The following FNDC3A variants were observed in gnomAD, a reference collection of about 807,000 sequenced individuals.
FNDC3A encodes the protein fibronectin type III domain containing 3A.
A neutral mutation model predicts 148.9 loss-of-function variants in FNDC3A; 32 were observed. The ratio of observed to expected loss-of-function variants is 0.21; its 90% CI spans 0.16 to 0.29. The LOEUF is 0.29. Among genes scored for constraint, FNDC3A ranks in the 10% least tolerant of loss-of-function variants. The probability of loss-of-function intolerance (pLI) is 1.00; values close to 1 mark genes in which losing one functional copy is unlikely to be tolerated. For synonymous variants in FNDC3A, 472 were observed against 473.6 expected, an observed-to-expected ratio of 1.00 and a Z score of 0.04; for missense variants, 1,191 against 1,452.8, an observed-to-expected ratio of 0.82 and a Z score of 2.93.
At chr13:48,991,343 A>G (rs1951912366) in intron 1 of FNDC3A, among the ~76,000 whole-genome samples, 1 of 152,184 alleles carries the variant, frequency 6.6e-6, no homozygotes, top group South Asian at 2.1e-4. Flanking sequence ...ATTATTTCAT[A>G]CTAGTAAAGG....
At chr13:49,152,513 G>GT (rs780364412) in intron 8 of FNDC3A, among the ~76,000 whole-genome samples, 1 of 151,436 alleles carries the variant, frequency 6.6e-6, no homozygotes, top group African/African-American at 2.4e-5. Flanking sequence ...AAATTGTTTG[G>GT]TTTTTTTTTA....
At chr13:49,022,887 A>G (rs1244027135) in intron 2 of FNDC3A, among the ~76,000 whole-genome samples, 4 of 152,104 alleles carry the variant, frequency 2.6e-5, no homozygotes, top group African/African-American at 9.7e-5. Context: ...TATTACCGTT[A>G]ACTTTTCTTT....
At position 48,990,215 on chromosome 13, in the gene FNDC3A, C is replaced by T. The variant is rs189864795; in HGVS notation, c.-40+14038C>T. Among the ~76,000 whole-genome samples the T allele has an allele frequency of 2.0e-4, 31 of 151,934 alleles. 1 individual carries two copies. The East Asian group carries it at 5.8e-3, about 28-fold the overall frequency. On this transcript the variant is annotated intron_variant, in intron 1 of 25. Transcript: ENST00000492622. ...GGGACTTTTTACCCAAACTGTCTTT[C>T]AAAATAAAGGCAAAATAAAGATTTC...
chr13:49,135,782 C>A (rs1882321565), intron 5 of FNDC3A, among the ~76,000 whole-genome samples: 1 of 152,020 alleles, frequency 6.6e-6, no homozygotes, highest in Non-Finnish European at 1.5e-5. Context: ...TAAATCACAA[C>A]CTTGAGTTTA....
chr13:49,110,206 T>TA, intron 3 of FNDC3A: 1 of 449,546 alleles, frequency 2.2e-6, no homozygotes, highest in Non-Finnish European at 3.4e-6. Flanking sequence ...GAACGTTTGC[T>TA]TTTTTTTCCC....
chr13:48,985,547 G>T (rs1951773823), intron 1 of FNDC3A, among the ~76,000 whole-genome samples: 3 of 152,042 alleles, frequency 2.0e-5, no homozygotes. Flanking sequence ...TATAATATTA[G>T]ATACTTATGA....
At chr13:49,045,210 G>A (rs1324949867) in intron 2 of FNDC3A, among the ~76,000 whole-genome samples, 6 of 148,446 alleles carry the variant, frequency 4.0e-5, no homozygotes, top group Non-Finnish European at 8.9e-5. Flanking sequence ...CTCGAGTGTA[G>A]TGGTACCATC....
chr13:49,124,590 T>G (rs1881575692), intron 4 of FNDC3A, among the ~76,000 whole-genome samples: 1 of 152,064 alleles, frequency 6.6e-6, no homozygotes, highest in Admixed American at 6.6e-5. Context: ...ATAAATAACC[T>G]CCATAGCCAT....
chr13:49,157,521 C>T (rs1263187204), intron 8 of FNDC3A, among the ~76,000 whole-genome samples: 13 of 149,578 alleles, frequency 8.7e-5, no homozygotes, highest in South Asian at 4.2e-4. Flanking sequence ...TCTCTCAGCT[C>T]GTCAAAGTCA....
intron 7 of FNDC3A, 60 bp downstream of exon 7, chr13:49,138,865 T>G: frequency 1.1e-6 from 1 of 906,354 alleles, no homozygotes. Context: ...AAGATGTTCA[T>G]CCATCAAAAT....
At chr13:49,088,587 G>A (rs891655352) in intron 3 of FNDC3A, among the ~76,000 whole-genome samples, 16 of 152,170 alleles carry the variant, frequency 1.1e-4, no homozygotes, top group African/African-American at 3.6e-4. Flanking sequence ...ATTTGAACCA[G>A]TAGCATTCGA....
chr13:49,114,601 CTT>C, intron 3 of FNDC3A, 52 bp from the exon 4 acceptor site: 2 of 1,205,404 alleles, frequency 1.7e-6, no homozygotes, highest in Non-Finnish European at 2.5e-6. Flanking sequence ...TTGTTTTCAA[CTT>C]TAGCCTGATA....
At chr13:49,122,882 G>C (rs147911832) in intron 4 of FNDC3A, among the ~76,000 whole-genome samples, 1 of 152,018 alleles carries the variant, frequency 6.6e-6, no homozygotes, top group Non-Finnish European at 1.5e-5. Flanking sequence ...TTCCATGCTC[G>C]TGGATAGGAA....
chr13:49,131,873 A>G (rs368150678), intron 5 of FNDC3A, among the ~76,000 whole-genome samples: 2 of 152,250 alleles, frequency 1.3e-5, no homozygotes, highest in Non-Finnish European at 1.5e-5. Flanking sequence ...ATAATACCTT[A>G]TTATGTCCCA....
At chr13:49,160,041 C>T (rs1018940856) in intron 8 of FNDC3A, among the ~76,000 whole-genome samples, 1 of 152,150 alleles carries the variant, frequency 6.6e-6, no homozygotes, top group African/African-American at 2.4e-5. Flanking sequence ...TGAGGATTTT[C>T]ACATCGATGT....
At chr13:49,042,880 C>T (rs916230611) in intron 2 of FNDC3A, among the ~76,000 whole-genome samples, 3 of 152,108 alleles carry the variant, frequency 2.0e-5, no homozygotes, top group South Asian at 4.1e-4. Context: ...GGTTACAGTT[C>T]GTTTCTGTTC....
chr13:49,068,160 C>T (rs1877390977), intron 2 of FNDC3A, among the ~76,000 whole-genome samples: 1 of 150,392 alleles, frequency 6.6e-6, no homozygotes, highest in Non-Finnish European at 1.5e-5. Flanking sequence ...ATGGCAAAAC[C>T]CCGTCTTTAT....
intron 2 of FNDC3A, among the ~76,000 whole-genome samples, chr13:49,008,209 C>T (rs1313862816): frequency 1.3e-5 from 2 of 151,972 alleles, no homozygotes; most frequent in African/African-American, 2.4e-5. Flanking sequence ...GATCAGAAAA[C>T]GTGGAGATAG....
chr13:49,192,005 A>G (rs963818106), intron 19 of FNDC3A, among the ~76,000 whole-genome samples: 10 of 152,192 alleles, frequency 6.6e-5, no homozygotes, highest in East Asian at 1.9e-4. Flanking sequence ...CTAATAAGTG[A>G]TAGAGGTAAG....
Sources: gnomAD v4.1 joint callset for allele counts (sites outside exome capture counted in the v4.1 genomes callset) on GRCh38, gnomAD v4.1.1 for gene constraint, MANE v1.5 for transcripts, NCBI Gene and HGNC (gene_info 2026-07-23, HGNC 2026-07-21) for gene names.